The following RPH3A variants were observed in gnomAD, a reference collection of about 807,000 sequenced individuals.
RPH3A encodes rabphilin 3A, also known as rabphilin-3A.
Under a neutral mutation model 102.2 loss-of-function variants are expected in RPH3A, and 48 were observed. The ratio of observed to expected loss-of-function variants is 0.47; its 90% CI spans 0.37 to 0.60. RPH3A has a LOEUF of 0.60. RPH3A is among the 20% of genes least tolerant of loss of function. The probability of loss-of-function intolerance (pLI) is 0.00; values close to 1 mark genes in which losing one functional copy is unlikely to be tolerated. For missense variants in RPH3A, 781 were observed against 910.1 expected, an observed-to-expected ratio of 0.86 and a Z score of 1.83; for synonymous variants, 310 against 324.3, an observed-to-expected ratio of 0.96 and a Z score of 0.47.
At chr12:112,893,900 G>A (rs73203231) in intron 19 of RPH3A, 5,079 of 152,438 alleles carry the variant, frequency 0.033, 141 homozygotes, top group Non-Finnish European at 0.044. Flanking sequence ...GAGCCCTGTA[G>A]GCAGAAGAAA....
intron 1 of RPH3A, among the ~76,000 whole-genome samples, chr12:112,662,460 G>A (rs1420068406): frequency 6.6e-6 from 1 of 152,228 alleles, no homozygotes; most frequent in Non-Finnish European, 1.5e-5. Context: ...CAGAGAGGTT[G>A]TGATGTGTCT....
At chr12:112,674,326 G>C (rs769242142) in intron 1 of RPH3A, among the ~76,000 whole-genome samples, 14 of 152,194 alleles carry the variant, frequency 9.2e-5, no homozygotes, top group Non-Finnish European at 2.1e-4. Flanking sequence ...AGAGCGGCAA[G>C]AGGCTGCCTA....
chr12:112,825,407 C>T (rs2041849895), intron 2 of RPH3A, among the ~76,000 whole-genome samples: 1 of 152,162 alleles, frequency 6.6e-6, no homozygotes, highest in South Asian at 2.1e-4. Context: ...GTGTGTTCAC[C>T]TCCCAAGTTA....
intron 2 of RPH3A, among the ~76,000 whole-genome samples, chr12:112,811,184 AAAGATACCTCATTT>A (rs2041568724): frequency 6.6e-6 from 1 of 152,202 alleles, no homozygotes; most frequent in South Asian, 2.1e-4. Flanking sequence ...GTTTCTGTTT[AAAGATACCTCATTT>A]AATACATTAC....
At chr12:112,585,382 G>A (rs2039431375) in intron 1 of RPH3A, among the ~76,000 whole-genome samples, 1 of 152,196 alleles carries the variant, frequency 6.6e-6, no homozygotes, top group African/African-American at 2.4e-5. Flanking sequence ...TATTCACTAA[G>A]GGAGACTTCC....
intron 1 of RPH3A, among the ~76,000 whole-genome samples, chr12:112,604,427 G>A (rs1189701294): frequency 6.6e-6 from 1 of 152,122 alleles, no homozygotes; most frequent in Non-Finnish European, 1.5e-5. Context: ...AGGTAGGGAG[G>A]GAAACTAGCA....
chr12:112,671,243 A>G (rs1486571323), intron 1 of RPH3A, among the ~76,000 whole-genome samples: 1 of 152,228 alleles, frequency 6.6e-6, no homozygotes, highest in Non-Finnish European at 1.5e-5. Flanking sequence ...AAAATGAGAT[A>G]AAAGATTATT....
intron 1 of RPH3A, among the ~76,000 whole-genome samples, chr12:112,670,828 A>G (rs1158354069): frequency 6.6e-6 from 1 of 152,220 alleles, no homozygotes; most frequent in African/African-American, 2.4e-5. Flanking sequence ...GTTGCACACC[A>G]TCACTTTCAT....
chr12:112,874,383 T>C (rs2042758969), intron 10 of RPH3A, among the ~76,000 whole-genome samples: 3 of 152,280 alleles, frequency 2.0e-5, no homozygotes, highest in Admixed American at 1.3e-4. Context: ...AGTTTCCCCA[T>C]CTATAAAATG....
chr12:112,888,923 G>T (rs1017533373), intron 17 of RPH3A, among the ~76,000 whole-genome samples: 3 of 152,228 alleles, frequency 2.0e-5, no homozygotes, highest in African/African-American at 7.2e-5. Flanking sequence ...GGCCCAGAAA[G>T]GGTAGCAAGT....
In RPH3A at chr12:112,809,089, C is replaced by T. The variant is rs112643733; in HGVS notation, c.-19+16826C>T. On this transcript the variant is annotated intron_variant, in intron 2 of 21. Coordinates refer to ENST00000389385, the MANE Select transcript of RPH3A (RefSeq NM_001143854.2). Reference sequence around the variant, plus strand: ...TGACTGTTCACCACCTGCCTGACTTCGGTGAGTTATCTTAGCTCACAGATC... The same window carrying T: ...TGACTGTTCACCACCTGCCTGACTTTGGTGAGTTATCTTAGCTCACAGATC... Among the ~76,000 whole-genome samples the T allele has an allele frequency of 1.1e-4, 16 of 152,268 alleles. 1 individual carries two copies. The highest frequency in any genetic ancestry group is 3.6e-4 in the African/African-American group (15 of 41,552).
rs2043170924 is a variant in RPH3A, at chr12:112,895,854, C to A, written c.1935C>A (p.Gly645=). ...LDISVWDYDI[G]KSNDYIGGCQ... is the part of the protein sequence containing the mutation. ...TTTCAGTCTGGGACTATGACATCGG[C>A]AAGTCCAATGATTACATCGGTGAGT... Residue 645 remains glycine (G), a synonymous_variant, in exon 21 of 22, where the codon GGC becomes GGA. Coordinates refer to ENST00000389385, the MANE Select transcript of RPH3A (RefSeq NM_001143854.2). 2 of 1,612,528 alleles carry A rather than the reference C, an allele frequency of 1.2e-6. No homozygotes were observed. The highest frequency in any genetic ancestry group is 1.3e-5 in the African/African-American group (1 of 74,934).
chr12:112,718,778 C>G (rs568115340), intron 1 of RPH3A, among the ~76,000 whole-genome samples: 1 of 152,174 alleles, frequency 6.6e-6, no homozygotes, highest in Non-Finnish European at 1.5e-5. Flanking sequence ...TGTAGCCCTG[C>G]ATAGAGGAAG....
intron 4 of RPH3A, among the ~76,000 whole-genome samples, chr12:112,839,993 AAAAAG>A (rs544629943): frequency 2.0e-5 from 3 of 152,212 alleles, no homozygotes; most frequent in Non-Finnish European, 2.9e-5. Context: ...CATCTCAAAA[AAAAAG>A]AAAAGAAAAG....
chr12:112,735,297 C>T (rs776756206), intron 1 of RPH3A, among the ~76,000 whole-genome samples: 13 of 152,190 alleles, frequency 8.5e-5, no homozygotes, highest in Non-Finnish European at 1.5e-4. Context: ...TCCACTGGGA[C>T]CCTAAAGCAC....
intron 1 of RPH3A, among the ~76,000 whole-genome samples, chr12:112,662,873 C>G (rs1200518401): frequency 6.6e-6 from 1 of 152,040 alleles, no homozygotes; most frequent in Non-Finnish European, 1.5e-5. Flanking sequence ...TCCCAAACCC[C>G]TAGTTATAGG....
At chr12:112,610,332 G>C (rs957409314) in intron 1 of RPH3A, among the ~76,000 whole-genome samples, 1 of 151,876 alleles carries the variant, frequency 6.6e-6, no homozygotes, top group Non-Finnish European at 1.5e-5. Context: ...GTGAAACCCC[G>C]TCTCTACTAA....
chr12:112,601,518 A>G (rs1204454259), intron 1 of RPH3A, among the ~76,000 whole-genome samples: 1 of 152,208 alleles, frequency 6.6e-6, no homozygotes. Flanking sequence ...ATCCCCCAAA[A>G]AACGTGCCAA....
chr12:112,823,420 T>G (rs745670579), intron 2 of RPH3A, among the ~76,000 whole-genome samples: 2 of 152,116 alleles, frequency 1.3e-5, no homozygotes, highest in Non-Finnish European at 2.9e-5. Flanking sequence ...TTGTAAGGAG[T>G]AAAGCAAATA....
Sources: gnomAD v4.1 joint callset for allele counts (sites outside exome capture counted in the v4.1 genomes callset) on GRCh38, gnomAD v4.1.1 for gene constraint, MANE v1.5 for transcripts, NCBI Gene and HGNC (gene_info 2026-07-23, HGNC 2026-07-21) for gene names.